The following PTPRO variants were observed in gnomAD, a reference collection of about 807,000 sequenced individuals.
PTPRO encodes the protein receptor-type tyrosine-protein phosphatase O.
In PTPRO, 62 loss-of-function variants were observed where a neutral mutation model predicts 145.2. That is an observed-to-expected ratio of 0.43 (90% CI 0.35 to 0.53). The LOEUF is 0.53. PTPRO is among the 20% of genes least tolerant of loss of function. PTPRO has a pLI of 0.01. For missense variants in PTPRO, 1,345 were observed against 1,482.7 expected, an observed-to-expected ratio of 0.91 and a Z score of 1.53; for synonymous variants, 565 against 514.7, an observed-to-expected ratio of 1.10 and a Z score of -1.32.
rs140825597 is a variant in PTPRO, at chr12:15,441,939, A to G, written c.76-42035A>G. On this transcript the variant is annotated intron_variant, in intron 1 of 26. Coordinates refer to ENST00000281171, the MANE Select transcript of PTPRO (RefSeq NM_030667.3). ...TCTACCAGATGTACAAAAAGCTGGTACCAATTTTACTGCACCTATTTCAAA... is the reference window on the plus strand; with the variant it reads ...TCTACCAGATGTACAAAAAGCTGGTGCCAATTTTACTGCACCTATTTCAAA... Among the ~76,000 whole-genome samples the G allele has an allele frequency of 6.7e-3, 1,018 of 152,302 alleles. 5 individuals are homozygous for G. The highest frequency in any genetic ancestry group is 0.011 in the Non-Finnish European group (775 of 67,998).
At chr12:15,436,262 G>T (rs1267267954) in intron 1 of PTPRO, among the ~76,000 whole-genome samples, 1 of 152,038 alleles carries the variant, frequency 6.6e-6, no homozygotes, top group East Asian at 1.9e-4. Flanking sequence ...CAGAAGGCAA[G>T]AAATAACTAA....
intron 7 of PTPRO, among the ~76,000 whole-genome samples, chr12:15,510,398 G>T (rs1056011994): frequency 6.6e-6 from 1 of 152,116 alleles, no homozygotes; most frequent in East Asian, 1.9e-4. Flanking sequence ...ACAGAAAAAC[G>T]TGTTTTCCCC....
intron 6 of PTPRO, 61 bp from the exon 7 acceptor site, chr12:15,508,510 A>C: frequency 6.7e-7 from 1 of 1,501,592 alleles, no homozygotes; most frequent in South Asian, 1.2e-5. Context: ...TTAAACCAGA[A>C]TCTTTTATCT....
chr12:15,406,739 C>T (rs1016454631), intron 1 of PTPRO, among the ~76,000 whole-genome samples: 1 of 152,114 alleles, frequency 6.6e-6, no homozygotes, highest in Non-Finnish European at 1.5e-5. Context: ...TAGAGGGAAA[C>T]AGCACAAAAT....
At position 15,579,970 on chromosome 12, in the gene PTPRO, T is replaced by C. The variant is rs951492726; in HGVS notation, c.2921-69T>C. 20 of 1,235,854 alleles carry C rather than the reference T, an allele frequency of 1.6e-5. No homozygotes were observed. The East Asian group carries it at 4.4e-4, about 27-fold the overall frequency. 76.6% of individuals were successfully genotyped at this position (1,235,854 alleles called of 1,614,324 possible). On this transcript the variant is annotated intron_variant, in intron 20 of 26. Coordinates refer to ENST00000281171, the MANE Select transcript of PTPRO (RefSeq NM_030667.3). Reference sequence around the variant, plus strand: ...CTGACTGATTTAACTTAATATTGGATAGAAAGGGCCAAAATAATTTTTCCT... The same window carrying C: ...CTGACTGATTTAACTTAATATTGGACAGAAAGGGCCAAAATAATTTTTCCT...
intron 22 of PTPRO, 114 bp from the exon 23 acceptor site, chr12:15,581,565 A>G: frequency 1.6e-6 from 2 of 1,273,102 alleles, no homozygotes; most frequent in Non-Finnish European, 2.3e-6. Context: ...TTTCATCTTC[A>G]CCACGGTCCT....
intron 1 of PTPRO, among the ~76,000 whole-genome samples, chr12:15,416,970 C>T (rs756898066): frequency 6.6e-5 from 10 of 151,628 alleles, no homozygotes; most frequent in Non-Finnish European, 1.5e-5. Flanking sequence ...GGTCTATACA[C>T]AATCATATTG....
intron 1 of PTPRO, chr12:15,440,278 C>G (rs532003546): frequency 1.7e-6 from 1 of 587,446 alleles, no homozygotes; most frequent in Admixed American, 2.6e-5. Context: ...GCTACCTGAC[C>G]CCCAACCTCC....
In PTPRO at chr12:15,485,310, T is replaced by C. The variant is rs551250039; in HGVS notation, c.349+1063T>C. 7.2e-5 allele frequency among the ~76,000 whole-genome samples: 11 copies of C among 152,206 alleles called. No homozygotes were observed. In the East Asian group the frequency reaches 2.1e-3, roughly 29 times the overall value. ...CCAAGACCTTCAAAGTTTATAGACA[T>C]AATGAACAGATCTACTAGTTGAATT... On this transcript the variant is annotated intron_variant, in intron 2 of 26. Coordinates refer to ENST00000281171, the MANE Select transcript of PTPRO (RefSeq NM_030667.3).
chr12:15,564,258 T>A (rs1037136860), intron 17 of PTPRO, among the ~76,000 whole-genome samples: 3 of 152,344 alleles, frequency 2.0e-5, no homozygotes, highest in African/African-American at 7.2e-5. Flanking sequence ...TTCGTGGACG[T>A]GTTCCTACAT....
chr12:15,567,143 T>C (rs1943919967), intron 18 of PTPRO, among the ~76,000 whole-genome samples: 1 of 152,004 alleles, frequency 6.6e-6, no homozygotes, highest in Admixed American at 6.6e-5. Context: ...TGGTAGAACA[T>C]ACCCACAAGC....
intron 1 of PTPRO, among the ~76,000 whole-genome samples, chr12:15,369,374 C>A (rs1190890065): frequency 6.6e-6 from 1 of 152,112 alleles, no homozygotes; most frequent in Non-Finnish European, 1.5e-5. Context: ...CTTACAGATG[C>A]ATCAACAATC....
intron 12 of PTPRO, among the ~76,000 whole-genome samples, chr12:15,540,915 C>T (rs1012604824): frequency 6.6e-6 from 1 of 152,100 alleles, no homozygotes; most frequent in East Asian, 1.9e-4. Flanking sequence ...AGTCCAAACC[C>T]GGAGAGGCAT....
At chr12:15,366,387 A>G (rs1047812828) in intron 1 of PTPRO, among the ~76,000 whole-genome samples, 2 of 152,148 alleles carry the variant, frequency 1.3e-5, no homozygotes, top group African/African-American at 4.8e-5. Flanking sequence ...GCAGATTCTA[A>G]GTTAGGATTT....
At chr12:15,452,980 T>C (rs1180696463) in intron 1 of PTPRO, among the ~76,000 whole-genome samples, 1 of 152,180 alleles carries the variant, frequency 6.6e-6, no homozygotes. Context: ...AGAAAAAGAA[T>C]ATTTAAGTGA....
chr12:15,466,294 T>G (rs2136406165), intron 1 of PTPRO, among the ~76,000 whole-genome samples: 1 of 152,330 alleles, frequency 6.6e-6, no homozygotes, highest in Middle Eastern at 3.4e-3. Context: ...TCAGAGACTA[T>G]TTTAATAGCG....
At chr12:15,381,671 G>A (rs1019099374) in intron 1 of PTPRO, among the ~76,000 whole-genome samples, 10 of 152,062 alleles carry the variant, frequency 6.6e-5, no homozygotes, top group African/African-American at 2.4e-4. Flanking sequence ...TTCTTTGAGT[G>A]TTTTCTCCCT....
chr12:15,491,446 A>C (rs1941997785), intron 2 of PTPRO, among the ~76,000 whole-genome samples: 1 of 152,214 alleles, frequency 6.6e-6, no homozygotes, highest in Admixed American at 6.5e-5. Context: ...CTTCTCCGAG[A>C]TAGTCACATC....
At chr12:15,562,528 G>A (rs1256958508) in intron 17 of PTPRO, among the ~76,000 whole-genome samples, 1 of 152,072 alleles carries the variant, frequency 6.6e-6, no homozygotes, top group African/African-American at 2.4e-5. Flanking sequence ...AGTGGTTTGT[G>A]TGGAAATCAA....
Sources: allele counts gnomAD v4.1 joint callset (sites outside exome capture counted in the v4.1 genomes callset), GRCh38; gene constraint gnomAD v4.1.1; transcripts MANE v1.5; gene names NCBI Gene and HGNC (gene_info 2026-07-23, HGNC 2026-07-21).